Variants in GABBR2 observed in about 807,000 individuals in gnomAD.
GABBR2 encodes gamma-aminobutyric acid type B receptor subunit 2, also known as G-protein coupled receptor 51.
GABBR2 carries 23 observed loss-of-function variants against 105.6 expected under a neutral mutation model. The observed-to-expected ratio is 0.22, with a 90% CI of 0.16 to 0.31. GABBR2 has a LOEUF of 0.31. GABBR2 is among the 10% of genes least tolerant of loss of function. GABBR2 has a pLI of 1.00. For missense variants in GABBR2, 734 were observed against 1,245.5 expected (o/e 0.59, Z 6.18); for synonymous variants, 478 against 499.7 (o/e 0.96, Z 0.58).
intron 1 of GABBR2, among the ~76,000 whole-genome samples, chr9:98,703,616 C>T (rs1026787332): frequency 1.3e-5 from 2 of 152,086 alleles, no homozygotes; most frequent in African/African-American, 2.4e-5. Flanking sequence ...CCTCAACCTC[C>T]CTAGTGGCTG....
intron 7 of GABBR2, among the ~76,000 whole-genome samples, chr9:98,424,969 T>C (rs1398316116): frequency 6.6e-6 from 1 of 151,836 alleles, no homozygotes; most frequent in Non-Finnish European, 1.5e-5. Flanking sequence ...CTTCACAGAA[T>C]TGGAAAAAAC....
intron 1 of GABBR2, among the ~76,000 whole-genome samples, chr9:98,589,304 A>G (rs930591379): frequency 3.3e-5 from 5 of 152,108 alleles, no homozygotes; most frequent in African/African-American, 1.2e-4. Context: ...TATCCTTTCA[A>G]AGGAATTTCC....
At chr9:98,683,290 C>T (rs1830573967) in intron 1 of GABBR2, among the ~76,000 whole-genome samples, 1 of 152,186 alleles carries the variant, frequency 6.6e-6, no homozygotes, top group African/African-American at 2.4e-5. Flanking sequence ...GACCGGGTTT[C>T]ACCATGTTGG....
intron 3 of GABBR2, among the ~76,000 whole-genome samples, chr9:98,535,443 A>C (rs1244523467): frequency 1.3e-5 from 2 of 151,766 alleles, no homozygotes; most frequent in Non-Finnish European, 2.9e-5. Context: ...AATAAATAAC[A>C]ACAGAGCAAC....
At chr9:98,492,068 C>T (rs1423738523) in intron 4 of GABBR2, among the ~76,000 whole-genome samples, 5 of 151,984 alleles carry the variant, frequency 3.3e-5, no homozygotes, top group Admixed American at 2.0e-4. Flanking sequence ...CAGAGAGTGG[C>T]CTGGTTTTTG....
At chr9:98,589,915 G>A (rs57905636) in intron 1 of GABBR2, among the ~76,000 whole-genome samples, 13,157 of 152,052 alleles carry the variant, frequency 0.087, 1,526 homozygotes, top group African/African-American at 0.27. Context: ...ATGTCTCACT[G>A]TGTTGCCTAA....
intron 2 of GABBR2, among the ~76,000 whole-genome samples, chr9:98,571,069 G>A (rs1828823166): frequency 1.3e-5 from 2 of 152,218 alleles, no homozygotes; most frequent in Admixed American, 1.3e-4. Context: ...GCCGGGGGTG[G>A]GCAGACATAG....
At chr9:98,412,431 T>A (rs1389097810) in intron 7 of GABBR2, among the ~76,000 whole-genome samples, 1 of 152,212 alleles carries the variant, frequency 6.6e-6, no homozygotes, top group Non-Finnish European at 1.5e-5. Flanking sequence ...CACTGAGGAT[T>A]TGACTTGTGC....
At chr9:98,313,691 C>T (rs925537510) in intron 13 of GABBR2, among the ~76,000 whole-genome samples, 1 of 152,160 alleles carries the variant, frequency 6.6e-6, no homozygotes, top group Non-Finnish European at 1.5e-5. Context: ...TGGAGTTGTG[C>T]TGTTGAGGCC....
chr9:98,481,079 C>T (rs1175677020), intron 4 of GABBR2, 82 bp from the exon 5 acceptor site: 3 of 911,356 alleles, frequency 3.3e-6, no homozygotes, highest in Admixed American at 1.7e-5. Context: ...AGACAACATT[C>T]CTTCACCTCT....
intron 4 of GABBR2, chr9:98,495,882 G>A (rs1827268692): frequency 6.4e-6 from 1 of 155,610 alleles, no homozygotes; most frequent in Non-Finnish European, 1.4e-5. Flanking sequence ...ATGTCTATGA[G>A]CCCAAGAGAG....
chr9:98,552,905 C>A (rs1394169949), intron 2 of GABBR2, among the ~76,000 whole-genome samples: 2 of 152,028 alleles, frequency 1.3e-5, no homozygotes, highest in South Asian at 4.2e-4. Context: ...GAGACAGGGT[C>A]TCACTCTGTC....
intron 4 of GABBR2, among the ~76,000 whole-genome samples, chr9:98,485,144 G>A (rs564612659): frequency 7.2e-4 from 109 of 152,318 alleles, no homozygotes; most frequent in African/African-American, 2.5e-3. Context: ...GAGCTTCCTG[G>A]AGTGAAAGCA....
At chr9:98,415,062 T>C (rs1224351781) in intron 7 of GABBR2, among the ~76,000 whole-genome samples, 1 of 152,130 alleles carries the variant, frequency 6.6e-6, no homozygotes, top group Non-Finnish European at 1.5e-5. Context: ...CTCCTAATAC[T>C]ATAATGAATT....
At chr9:98,542,216 G>A (rs1828318386) in intron 2 of GABBR2, among the ~76,000 whole-genome samples, 173 bp from the exon 3 acceptor site, 1 of 152,060 alleles carries the variant, frequency 6.6e-6, no homozygotes, top group African/African-American at 2.4e-5. Flanking sequence ...TGGAAGGGAA[G>A]GTTTAAAAAT....
intron 1 of GABBR2, among the ~76,000 whole-genome samples, chr9:98,666,987 T>C (rs1206167749): frequency 1.3e-5 from 2 of 152,130 alleles, no homozygotes; most frequent in Non-Finnish European, 2.9e-5. Context: ...GGGATAGTGC[T>C]CCGTGGTCCT....
chr9:98,322,599 A>G (rs1830842684), intron 13 of GABBR2, among the ~76,000 whole-genome samples: 1 of 102,434 alleles, frequency 9.8e-6, no homozygotes, highest in South Asian at 4.1e-4. Flanking sequence ...CCCCTCCATG[A>G]TCTGACCCCC....
chr9:98,374,759 C>T (rs930987047), intron 11 of GABBR2, among the ~76,000 whole-genome samples: 2 of 152,184 alleles, frequency 1.3e-5, no homozygotes, highest in South Asian at 2.1e-4. Flanking sequence ...GAAGCTGCCA[C>T]CTGGTTTCCC....
chr9:98,507,289 T>C (rs2779558), intron 3 of GABBR2, among the ~76,000 whole-genome samples: 50,214 of 151,992 alleles, frequency 0.33, 8,674 homozygotes, highest in Non-Finnish European at 0.37. Flanking sequence ...GGGATTATCC[T>C]GGTGGCCCAA....
Sources: gnomAD v4.1 joint callset for allele counts (sites outside exome capture counted in the v4.1 genomes callset) on GRCh38, gnomAD v4.1.1 for gene constraint, MANE v1.5 for transcripts, NCBI Gene and HGNC (gene_info 2026-07-23, HGNC 2026-07-21) for gene names.